Variants in CTNNA2 observed in about 807,000 individuals in gnomAD.
CTNNA2 encodes catenin alpha 2.
In CTNNA2, 42 loss-of-function variants were observed where a neutral mutation model predicts 101.0. The ratio of observed to expected loss-of-function variants is 0.42; its 90% confidence interval spans 0.32 to 0.54. The LOEUF is 0.54. Ranked by LOEUF, CTNNA2 falls within the 20% of genes least tolerant of loss-of-function variation. CTNNA2 has a pLI of 0.14. For missense variants in CTNNA2, 871 were observed against 1,223.1 expected, an observed-to-expected ratio of 0.71 and a Z score of 4.29; for synonymous variants, 450 against 456.4, an observed-to-expected ratio of 0.99 and a Z score of 0.18.
intron 7 of CTNNA2, among the ~76,000 whole-genome samples, chr2:80,367,819 G>A (rs1211096737): frequency 6.6e-6 from 1 of 151,912 alleles, no homozygotes; most frequent in Non-Finnish European, 1.5e-5. Context: ...TTTTTATTTT[G>A]TTGGTTTGTT....
At chr2:80,552,983 A>G (rs923919771) in intron 11 of CTNNA2, among the ~76,000 whole-genome samples, 8 of 151,744 alleles carry the variant, frequency 5.3e-5, no homozygotes, top group Admixed American at 6.6e-5. Flanking sequence ...TTGGGAGGCC[A>G]AGGCAGGCAG....
intron 7 of CTNNA2, among the ~76,000 whole-genome samples, chr2:80,310,672 C>A (rs1203244466): frequency 3.9e-5 from 6 of 152,150 alleles, no homozygotes; most frequent in African/African-American, 1.4e-4. Flanking sequence ...CACTGCCAAT[C>A]TGCTACTATG....
intron 1 of CTNNA2, among the ~76,000 whole-genome samples, chr2:79,192,207 G>T (rs1396129406): frequency 2.6e-5 from 4 of 152,086 alleles, no homozygotes; most frequent in African/African-American, 9.7e-5. Flanking sequence ...AAACGTTGTT[G>T]CTAAGGTTTC....
intron 7 of CTNNA2, among the ~76,000 whole-genome samples, chr2:80,203,491 T>C (rs1573380715): frequency 1.3e-5 from 2 of 152,258 alleles, no homozygotes; most frequent in African/African-American, 4.8e-5. Context: ...TCCAGCAGGG[T>C]AGTTAAATCT....
intron 9 of CTNNA2, among the ~76,000 whole-genome samples, chr2:80,424,886 G>T (rs948581695): frequency 6.6e-6 from 1 of 152,176 alleles, no homozygotes; most frequent in Non-Finnish European, 1.5e-5. Flanking sequence ...CTCCAAGCTC[G>T]CTTCTTTGAA....
chr2:80,101,807 T>C (rs539100861), intron 7 of CTNNA2, among the ~76,000 whole-genome samples: 1 of 152,260 alleles, frequency 6.6e-6, no homozygotes, highest in South Asian at 2.1e-4. Context: ...TCTTTGTTCT[T>C]GAGTTTCAAG....
At chr2:79,313,583 G>A (rs1325295181) in intron 3 of CTNNA2, among the ~76,000 whole-genome samples, 1 of 152,088 alleles carries the variant, frequency 6.6e-6, no homozygotes. Flanking sequence ...TCATGTTCTT[G>A]ACAAACTTTT....
chr2:80,376,507 T>C (rs2149341939), intron 7 of CTNNA2, among the ~76,000 whole-genome samples: 1 of 151,178 alleles, frequency 6.6e-6, no homozygotes, highest in African/African-American at 2.4e-5. Flanking sequence ...CTATGTAACA[T>C]CCTTCTTAGT....
chr2:80,143,284 T>C (rs1460168272), intron 7 of CTNNA2, among the ~76,000 whole-genome samples: 1 of 152,188 alleles, frequency 6.6e-6, no homozygotes, highest in East Asian at 1.9e-4. Context: ...TCTATGTATT[T>C]TTTTGTGTTA....
chr2:80,567,748 A>G (rs766876203), intron 12 of CTNNA2, among the ~76,000 whole-genome samples: 7 of 152,064 alleles, frequency 4.6e-5, no homozygotes, highest in Admixed American at 6.5e-5. Flanking sequence ...CCGAATTCCA[A>G]CTGTTACAGT....
intron 18 of CTNNA2, among the ~76,000 whole-genome samples, chr2:80,637,764 A>C (rs1673034848): frequency 6.6e-6 from 1 of 152,148 alleles, no homozygotes; most frequent in African/African-American, 2.4e-5. Context: ...TGAAAGAATG[A>C]GGAAGGATCG....
At chr2:79,361,134 T>A (rs1437921197) in intron 3 of CTNNA2, among the ~76,000 whole-genome samples, 1 of 152,202 alleles carries the variant, frequency 6.6e-6, no homozygotes. Context: ...AAAAATAACA[T>A]CTCTTGATCC....
chr2:80,195,686 T>C (rs1414956216), intron 7 of CTNNA2, among the ~76,000 whole-genome samples: 1 of 152,024 alleles, frequency 6.6e-6, no homozygotes, highest in Non-Finnish European at 1.5e-5. Flanking sequence ...TCAGAAAGAT[T>C]CTTGCTTTTG....
chr2:79,194,310 G>T (rs1047791790), intron 1 of CTNNA2, among the ~76,000 whole-genome samples: 1 of 152,128 alleles, frequency 6.6e-6, no homozygotes, highest in African/African-American at 2.4e-5. Context: ...TCAAGGGATT[G>T]CAAGAAGGTG....
chr2:79,294,665 A>G (rs943774386), intron 2 of CTNNA2, among the ~76,000 whole-genome samples: 2 of 152,166 alleles, frequency 1.3e-5, no homozygotes, highest in African/African-American at 2.4e-5. Context: ...TAAACTCAGT[A>G]ACTTATTTGA....
At chr2:79,561,470 G>T (rs1255483253) in intron 1 of CTNNA2, among the ~76,000 whole-genome samples, 1 of 151,808 alleles carries the variant, frequency 6.6e-6, no homozygotes, top group Non-Finnish European at 1.5e-5. Flanking sequence ...TCGTTTAGTT[G>T]CATGGTAACG....
At chr2:80,210,533 G>A (rs892305600) in intron 7 of CTNNA2, among the ~76,000 whole-genome samples, 4 of 152,252 alleles carry the variant, frequency 2.6e-5, no homozygotes, top group African/African-American at 9.6e-5. Context: ...TCCCTACAAA[G>A]GACATGAACT....
chr2:79,192,516 C>T (rs1438911081), intron 1 of CTNNA2, among the ~76,000 whole-genome samples: 1 of 152,064 alleles, frequency 6.6e-6, no homozygotes, highest in Non-Finnish European at 1.5e-5. Context: ...TTCTGAAACG[C>T]ATAACCAAGT....
At chr2:79,929,680 A>G (rs188658774) in intron 7 of CTNNA2, among the ~76,000 whole-genome samples, 14 of 152,330 alleles carry the variant, frequency 9.2e-5, no homozygotes, top group Non-Finnish European at 1.6e-4. Flanking sequence ...CATCGAGGAA[A>G]TTCTTCATTC....
Sources: gnomAD v4.1 joint callset for allele counts (sites outside exome capture counted in the v4.1 genomes callset) on GRCh38, gnomAD v4.1.1 for gene constraint, MANE v1.5 for transcripts, NCBI Gene and HGNC (gene_info 2026-07-23, HGNC 2026-07-21) for gene names.